PTPRD: variants seen among roughly 807,000 people sequenced by gnomAD.
PTPRD encodes receptor-type tyrosine-protein phosphatase delta.
Under a neutral mutation model 214.5 loss-of-function variants are expected in PTPRD, and 34 were observed. The observed-to-expected ratio is 0.16, with a 90% CI of 0.12 to 0.21. The LOEUF (loss-of-function observed/expected upper bound fraction) is 0.21, where lower values mean the gene tolerates loss of function less well. Among genes scored for constraint, PTPRD ranks in the 10% least tolerant of loss-of-function variants. PTPRD has a pLI of 1.00. For missense variants in PTPRD, 2,545 were observed against 2,398.7 expected (o/e 1.06, Z -1.27); for synonymous variants, 1,128 against 845.7 (o/e 1.33, Z -5.79).
At chr9:10,459,666 T>C (rs1330258196) in intron 2 of PTPRD, among the ~76,000 whole-genome samples, 1 of 152,148 alleles carries the variant, frequency 6.6e-6, no homozygotes, top group African/African-American at 2.4e-5. Flanking sequence ...GAAGAGCTTT[T>C]TTTTTTTCAT....
At chr9:9,476,238 C>G (rs140250459) in intron 8 of PTPRD, among the ~76,000 whole-genome samples, 1 of 152,278 alleles carries the variant, frequency 6.6e-6, no homozygotes, top group East Asian at 1.9e-4. Context: ...AAACTCCTGC[C>G]ATATATATTT....
At chr9:8,445,339 C>T (rs1305402715) in intron 34 of PTPRD, among the ~76,000 whole-genome samples, 4 of 152,098 alleles carry the variant, frequency 2.6e-5, no homozygotes, top group African/African-American at 7.2e-5. Context: ...CTATACACTG[C>T]CATCTGAACC....
rs755976931 is a variant in PTPRD at position 8,660,328 on chromosome 9, T to C, written c.65-23484A>G. On this transcript the variant is annotated intron_variant, in intron 12 of 45. Coordinates refer to ENST00000381196, the MANE Select transcript of PTPRD (RefSeq NM_002839.4). ...TAAAGGTTATAGGACTTGCATGTAT[T>C]ATTTGTTTTCCTTTTCCGCTTTTGA... Among the ~76,000 whole-genome samples the C allele has an allele frequency of 7.2e-4, 109 of 152,272 alleles. No individual in the cohort carries two copies. In the Middle Eastern group the frequency reaches 0.014, roughly 19 times the overall value.
chr9:9,569,592 C>T (rs573983849), intron 8 of PTPRD, among the ~76,000 whole-genome samples: 5 of 151,246 alleles, frequency 3.3e-5, no homozygotes, highest in African/African-American at 7.3e-5. Context: ...CAAGTCAAAT[C>T]GACAAAAGTC....
intron 14 of PTPRD, among the ~76,000 whole-genome samples, chr9:8,576,061 G>T (rs1025569279): frequency 6.6e-6 from 1 of 152,278 alleles, no homozygotes; most frequent in African/African-American, 2.4e-5. Flanking sequence ...ATGCATGAAA[G>T]CTTGGGAGCA....
intron 8 of PTPRD, among the ~76,000 whole-genome samples, chr9:9,558,504 C>A (rs1445725578): frequency 6.6e-6 from 1 of 152,168 alleles, no homozygotes; most frequent in East Asian, 1.9e-4. Context: ...TGGGTACACA[C>A]ACCTGATACA....
At chr9:8,711,496 T>C (rs953054092) in intron 12 of PTPRD, among the ~76,000 whole-genome samples, 1 of 152,158 alleles carries the variant, frequency 6.6e-6, no homozygotes, top group African/African-American at 2.4e-5. Context: ...TAATCTTATA[T>C]TACTCAAATT....
At chr9:9,888,218 G>A (rs1419198150) in intron 5 of PTPRD, among the ~76,000 whole-genome samples, 1 of 152,172 alleles carries the variant, frequency 6.6e-6, no homozygotes, top group African/African-American at 2.4e-5. Flanking sequence ...GGAGGAATCT[G>A]TCAGTGAAGT....
At chr9:8,842,331 C>A (rs544505165) in intron 11 of PTPRD, among the ~76,000 whole-genome samples, 8 of 50,968 alleles carry the variant, frequency 1.6e-4, no homozygotes, top group Admixed American at 2.3e-4. Context: ...GGATTATCAG[C>A]AACATATTTT....
chr9:8,408,966 G>C (rs1426891839), intron 35 of PTPRD, among the ~76,000 whole-genome samples: 2 of 152,136 alleles, frequency 1.3e-5, no homozygotes, highest in East Asian at 3.8e-4. Flanking sequence ...TAACTTGATG[G>C]TCTGAAAGTT....
At position 9,944,699 on chromosome 9, in the gene PTPRD, C is replaced by CT. The variant is rs112124408; in HGVS notation, c.-471-6090dup. Among the ~76,000 whole-genome samples the CT allele has an allele frequency of 4.0e-3, 588 of 148,470 alleles. 1 individual carries two copies. Among genetic ancestry groups the CT allele is most frequent in the African/African-American group, 0.011 (453 of 40,530 alleles). On this transcript the variant is annotated intron_variant, in intron 4 of 45. Coordinates refer to ENST00000381196, the MANE Select transcript of PTPRD (RefSeq NM_002839.4). ...TGCTTAAAAACAGCAAGAAATCCAG[C>CT]TTTTTTTTTTCCAGTGGATTGAATG...
intron 3 of PTPRD, among the ~76,000 whole-genome samples, chr9:10,086,131 G>T (rs928149365): frequency 6.6e-6 from 1 of 151,704 alleles, no homozygotes; most frequent in Non-Finnish European, 1.5e-5. Flanking sequence ...CATATTGGGG[G>T]CACGTAATGA....
At chr9:9,780,265 G>A (rs532117340) in intron 5 of PTPRD, among the ~76,000 whole-genome samples, 1 of 152,280 alleles carries the variant, frequency 6.6e-6, no homozygotes, top group East Asian at 1.9e-4. Context: ...AGAGGGGTCA[G>A]TGAGGGAGGG....
intron 8 of PTPRD, among the ~76,000 whole-genome samples, chr9:9,432,225 A>G (rs1331478589): frequency 6.6e-6 from 1 of 152,050 alleles, no homozygotes; most frequent in African/African-American, 2.4e-5. Flanking sequence ...AACATCTGGC[A>G]ATCTAGTATT....
intron 11 of PTPRD, among the ~76,000 whole-genome samples, chr9:8,810,955 C>T (rs1278595541): frequency 1.3e-5 from 2 of 152,158 alleles, no homozygotes; most frequent in East Asian, 3.9e-4. Context: ...CACTTTCCAA[C>T]TGTACCTGCT....
At chr9:10,354,209 A>T (rs1210625706) in intron 2 of PTPRD, among the ~76,000 whole-genome samples, 3 of 152,116 alleles carry the variant, frequency 2.0e-5, no homozygotes, top group African/African-American at 7.2e-5. Context: ...TACAACTGGG[A>T]TCATCCATTA....
chr9:8,740,092 A>T (rs530610350), intron 11 of PTPRD, among the ~76,000 whole-genome samples: 90 of 152,070 alleles, frequency 5.9e-4, no homozygotes, highest in African/African-American at 2.1e-3. Flanking sequence ...AAAAGATTTC[A>T]TTTTTTTTAA....
intron 6 of PTPRD, among the ~76,000 whole-genome samples, chr9:9,765,298 A>G (rs2098697422): frequency 6.6e-6 from 1 of 152,184 alleles, no homozygotes; most frequent in Admixed American, 6.5e-5. Flanking sequence ...TTTTGGGCCA[A>G]ATAAAAAATA....
intron 7 of PTPRD, among the ~76,000 whole-genome samples, chr9:9,679,981 T>C (rs2097030679): frequency 6.6e-6 from 1 of 151,930 alleles, no homozygotes; most frequent in South Asian, 2.1e-4. Flanking sequence ...TTCTCTTGCT[T>C]TTGAATATAA....
Sources: allele counts gnomAD v4.1 joint callset (sites outside exome capture counted in the v4.1 genomes callset), GRCh38; gene constraint gnomAD v4.1.1; transcripts MANE v1.5; gene names NCBI Gene and HGNC (gene_info 2026-07-23, HGNC 2026-07-21).